The following LOC728743 variants were observed in gnomAD, a reference collection of about 807,000 sequenced individuals.
At chr7:150,408,398 T>G in the LOC728743 span, 3 of 353,800 alleles carry the variant, frequency 8.5e-6, no homozygotes, top group Admixed American at 4.7e-5. Flanking sequence ...CCCGCTCGCG[T>G]TCCTCCCTCG....
chr7:150,407,310 G>A, the LOC728743 span, among the ~76,000 whole-genome samples: 1 of 152,136 alleles, frequency 6.6e-6, no homozygotes, highest in African/African-American at 2.4e-5. Context: ...TGTGTCACAC[G>A]GTGTTTAAGC....
the LOC728743 span, among the ~76,000 whole-genome samples, chr7:150,402,530 A>G: frequency 6.6e-6 from 1 of 152,210 alleles, no homozygotes; most frequent in African/African-American, 2.4e-5. Flanking sequence ...CTGAGGACCT[A>G]TTGTATGCTG....
At chr7:150,402,437 T>TG in the LOC728743 span, among the ~76,000 whole-genome samples, 926 of 152,312 alleles carry the variant, frequency 6.1e-3, 13 homozygotes, top group African/African-American at 0.021. Context: ...TCCAAACCCT[T>TG]GGGGGCCATC....
chr7:150,410,279 A>G, the LOC728743 span: 3 of 398,438 alleles, frequency 7.5e-6, no homozygotes, highest in East Asian at 3.6e-5. Flanking sequence ...GGACACATCC[A>G]GTAAGAAGAC....
chr7:150,406,270 A>C, the LOC728743 span, among the ~76,000 whole-genome samples: 1 of 152,134 alleles, frequency 6.6e-6, no homozygotes, highest in Non-Finnish European at 1.5e-5. Flanking sequence ...TGGAATATTC[A>C]GCCGGCTTCC....
At chr7:150,410,470 A>G in the LOC728743 span, 1 of 347,506 alleles carries the variant, frequency 2.9e-6, no homozygotes, top group Non-Finnish European at 5.2e-6. Flanking sequence ...TGGTAGGACG[A>G]TGCCTGTGTG....
chr7:150,402,594 C>G, the LOC728743 span, among the ~76,000 whole-genome samples: 20 of 152,336 alleles, frequency 1.3e-4, no homozygotes, highest in African/African-American at 4.8e-4. Flanking sequence ...AAGTTCATAA[C>G]CTGGTGGGGA....
chr7:150,406,954 T>G, the LOC728743 span, among the ~76,000 whole-genome samples: 1 of 152,040 alleles, frequency 6.6e-6, no homozygotes, highest in African/African-American at 2.4e-5. Flanking sequence ...CAGGGTTGTG[T>G]TTTTTTTCCT....
the LOC728743 span, chr7:150,407,736 G>T: frequency 5.0e-6 from 2 of 399,646 alleles, no homozygotes; most frequent in African/African-American, 4.1e-5. Flanking sequence ...TGCCCGCTGT[G>T]CGGCCAGACC....
the LOC728743 span, among the ~76,000 whole-genome samples, chr7:150,409,551 C>A: frequency 1.1e-4 from 16 of 152,186 alleles, no homozygotes; most frequent in Non-Finnish European, 2.4e-4. Context: ...CTTAGGGGTA[C>A]AACAGGTGGA....
the LOC728743 span, chr7:150,404,735 G>A: frequency 5.9e-5 from 9 of 152,608 alleles, no homozygotes; most frequent in East Asian, 1.7e-3. Flanking sequence ...AGGAGGTGGG[G>A]TCAGCAGGGG....
At chr7:150,407,191 A>G in the LOC728743 span, among the ~76,000 whole-genome samples, 1 of 152,214 alleles carries the variant, frequency 6.6e-6, no homozygotes, top group Non-Finnish European at 1.5e-5. Flanking sequence ...GCATGGTGCT[A>G]GGTGCTGGGG....
the LOC728743 span, among the ~76,000 whole-genome samples, chr7:150,403,725 C>T: frequency 1.8e-4 from 27 of 152,254 alleles, no homozygotes; most frequent in Non-Finnish European, 2.9e-4. The surrounding 1 kb of genome is among the most constrained non-coding windows in gnomAD (Gnocchi z 5.1). Context: ...TGCCAATTTC[C>T]GTGGGACGTG....
chr7:150,407,680 G>C, the LOC728743 span: 4 of 399,246 alleles, frequency 1.0e-5, no homozygotes, highest in Non-Finnish European at 1.8e-5. Context: ...TGGGGGACGA[G>C]CGAGGCCTGG....
At chr7:150,408,074 C>T in the LOC728743 span, 1 of 377,646 alleles carries the variant, frequency 2.6e-6, no homozygotes, top group Non-Finnish European at 4.7e-6. Context: ...GCCGCACCCG[C>T]GCCGCCCCGG....
At chr7:150,408,505 T>G in the LOC728743 span, 17 of 257,698 alleles carry the variant, frequency 6.6e-5, no homozygotes, top group East Asian at 2.1e-4. Flanking sequence ...CCTGCGGGGC[T>G]GGCCAGAGCC....
At chr7:150,408,980 G>C in the LOC728743 span, among the ~76,000 whole-genome samples, 4 of 152,192 alleles carry the variant, frequency 2.6e-5, no homozygotes, top group African/African-American at 9.7e-5. Context: ...CTCACACTCG[G>C]TGTGTGACGC....
At chr7:150,410,332 G>A in the LOC728743 span, 1 of 395,990 alleles carries the variant, frequency 2.5e-6, no homozygotes, top group East Asian at 3.6e-5. Flanking sequence ...GAGGTGACTG[G>A]TTGGAGCCTG....
the LOC728743 span, among the ~76,000 whole-genome samples, chr7:150,408,963 C>T: frequency 1.3e-5 from 2 of 152,144 alleles, no homozygotes; most frequent in East Asian, 1.9e-4. Flanking sequence ...GGCCCTGACA[C>T]GGGGTGCTCA....
Sources: gnomAD v4.1 joint callset for allele counts (sites outside exome capture counted in the v4.1 genomes callset) on GRCh38, gnomAD v4.1.1 for gene constraint, Gnocchi (gnomAD v3.1) non-coding constraint, MANE v1.5 for transcripts.